The following KPNA6 variants were observed in gnomAD, a reference collection of about 807,000 sequenced individuals.
The protein encoded by KPNA6 is karyopherin subunit alpha 6.
A neutral mutation model predicts 72.0 loss-of-function variants in KPNA6; 9 were observed. That is an observed-to-expected ratio of 0.13 (90% CI 0.08 to 0.22). The LOEUF (loss-of-function observed/expected upper bound fraction) is 0.22. Ranked by LOEUF, KPNA6 falls within the 10% of genes least tolerant of loss-of-function variation. The probability of loss-of-function intolerance (pLI) is 1.00; values close to 1 mark genes in which losing one functional copy is unlikely to be tolerated. For synonymous variants in KPNA6, 219 were observed against 242.1 expected (o/e 0.90, Z 0.89); for missense variants, 374 against 655.7 (o/e 0.57, Z 4.69).
intron 1 of KPNA6, among the ~76,000 whole-genome samples, chr1:32,135,229 G>A (rs1424235836): frequency 6.6e-6 from 1 of 152,024 alleles, no homozygotes; most frequent in Non-Finnish European, 1.5e-5. Context: ...CACCAGGCCT[G>A]GCTAATTTTG....
intron 1 of KPNA6, among the ~76,000 whole-genome samples, chr1:32,124,160 C>G (rs1419758657): frequency 2.0e-5 from 3 of 151,620 alleles, no homozygotes; most frequent in African/African-American, 7.3e-5. Flanking sequence ...ATCGCTTGAG[C>G]CTAGGAGTTT....
Position 32,128,422 on chromosome 1 carries a change from T to G in KPNA6, c.4+20288T>G, listed in dbSNP as rs1257455751. 2.5e-5 allele frequency among the ~76,000 whole-genome samples: 3 copies of G among 118,460 alleles called. No homozygotes were observed. The Admixed American group carries it at 2.6e-4, about 10-fold the overall frequency. The allele number at this position is 118,460 out of a possible 152,430, so 77.7% of individuals were successfully genotyped here. A position where few individuals can be genotyped will look rare whatever the true frequency, so the allele number is the denominator to read the frequency against. ...ATATATATATATATATATATATATA[T>G]ATATACACACACACACACATATATA... On this transcript the variant is annotated intron_variant, in intron 1 of 13. Coordinates refer to ENST00000373625, the MANE Select transcript of KPNA6 (RefSeq NM_012316.5).
chr1:32,159,562 A>C, intron 6 of KPNA6, 31 bp downstream of exon 6: 1 of 1,605,814 alleles, frequency 6.2e-7, no homozygotes, highest in South Asian at 1.1e-5. Flanking sequence ...GATTCTTTAT[A>C]GTACCTGTGG....
rs1007463780 is a variant in KPNA6, at chr1:32,162,408, C to T, written c.795C>T (p.Asp265=). The T allele has an allele frequency of 7.4e-6, 12 of 1,613,722 alleles. No homozygotes were observed. Among genetic ancestry groups the T allele is most frequent in the Non-Finnish European group, 1.0e-5 (12 of 1,179,808 alleles). The change falls in exon 9 of 14, where the codon GAC becomes GAT. Residue 265 remains aspartate, a synonymous_variant. Coordinates refer to ENST00000373625, the MANE Select transcript of KPNA6 (RefSeq NM_012316.5). The part of the protein sequence containing the change: ...PVLSRLLFSS[D]SDLLADACWA... ...TGTCTCGCCTACTCTTCAGCAGCGA[C>T]TCGGACTTGCTGGCAGATGCTTGCT... is the stretch of plus-strand genomic sequence containing the variant.
intron 9 of KPNA6, 138 bp from the exon 10 acceptor site, chr1:32,163,097 C>CT (rs1642269569): frequency 3.2e-6 from 2 of 626,236 alleles, no homozygotes; most frequent in African/African-American, 1.9e-5. Context: ...GAGCGAGACT[C>CT]TGTCTCAAAA....
In KPNA6 at chr1:32,162,095, T is replaced by C. The variant is rs755832045; in HGVS notation, c.747+49T>C. On this transcript the variant is annotated intron_variant, in intron 8 of 13. Transcript: ENST00000373625. ...CTGAGTGACATCAGGTTCCTTCATA[T>C]GGAGTTTTTAAGTCTTTGGGATACT... 8.9e-6 allele frequency: 13 copies of C among 1,463,942 alleles called. 1 individual carries two copies. The highest frequency in any genetic ancestry group is 1.7e-4 in the Middle Eastern group (1 of 5,790). The allele number at this position is 1,463,942 out of a possible 1,614,324, so 90.7% of individuals were successfully genotyped here.
intron 1 of KPNA6, among the ~76,000 whole-genome samples, chr1:32,128,433 A>ACG: frequency 7.2e-6 from 1 of 138,988 alleles, no homozygotes; most frequent in South Asian, 2.2e-4. Context: ...ATATACACAC[A>ACG]CACACACATA....
At position 32,126,043 on chromosome 1, in the gene KPNA6, T is replaced by TTTTG. The variant is rs578144508; in HGVS notation, c.4+17931_4+17934dup. On this transcript the variant is annotated intron_variant, in intron 1 of 13. Coordinates refer to ENST00000373625, the MANE Select transcript of KPNA6 (RefSeq NM_012316.5). ...AGCTTGTTTTTCTTTTTTCTTTTTA[T>TTTTG]TTTGTTTGTTTGTTTGTTTGTTTGT... 1.8e-3 allele frequency among the ~76,000 whole-genome samples: 279 copies of TTTTG among 151,816 alleles called. 1 individual carries two copies. Among genetic ancestry groups the TTTTG allele is most frequent in the South Asian group, 5.0e-3 (24 of 4,802 alleles).
At position 32,176,139 on chromosome 1, in the gene KPNA6, G is replaced by C. The variant is rs1642524253; in HGVS notation, c.*5245G>C. On this transcript the variant is annotated 3_prime_UTR_variant, in exon 14 of 14. Transcript: ENST00000373625. The stretch of plus-strand genomic sequence containing the variant: ...TCTTCATGAACCCTCAGACTCTGGA[G>C]TTGGGTGTCGGCTTTTTTAGCCAGC... The C allele has an allele frequency of 6.6e-6, 1 of 151,922 alleles. No individual in the cohort carries two copies. Among genetic ancestry groups the C allele is most frequent in the South Asian group, 2.1e-4 (1 of 4,810 alleles). The allele number at this position is 151,922 out of a possible 1,614,324, so 9.4% of individuals were successfully genotyped here.
intron 11 of KPNA6, 132 bp from the exon 12 acceptor site, chr1:32,167,035 CTA>C: frequency 1.8e-6 from 2 of 1,118,800 alleles, no homozygotes; most frequent in Non-Finnish European, 2.6e-6. Flanking sequence ...AGCCTGTCAC[CTA>C]TATAGGAAGA....
At position 32,170,905 on chromosome 1, in the gene KPNA6, CAGGGA is replaced by C. The variant is rs1642423586; in HGVS notation, c.*12_*16del. ...GGCTTCCAGCTATAATATCTGCCTC[CAGGGA>C]GGGGAGGGGATGGGAAGCACCACCA... On this transcript the variant is annotated 3_prime_UTR_variant, in exon 14 of 14. Coordinates refer to ENST00000373625, the MANE Select transcript of KPNA6 (RefSeq NM_012316.5). 4.3e-6 allele frequency: 7 copies of C among 1,612,980 alleles called. No homozygotes were observed. In the South Asian group the frequency reaches 6.6e-5, roughly 15 times the overall value.
At chr1:32,146,314 G>A (rs1319071923) in intron 1 of KPNA6, among the ~76,000 whole-genome samples, 1 of 152,142 alleles carries the variant, frequency 6.6e-6, no homozygotes, top group Non-Finnish European at 1.5e-5. Context: ...TATTGCATAT[G>A]TTTTTTAATA....
intron 1 of KPNA6, among the ~76,000 whole-genome samples, chr1:32,112,972 C>T (rs909775822): frequency 1.3e-5 from 2 of 152,164 alleles, no homozygotes; most frequent in Non-Finnish European, 2.9e-5. Flanking sequence ...ATTGATTCTT[C>T]CTTTCACCAC....
intron 10 of KPNA6, among the ~76,000 whole-genome samples, chr1:32,164,391 C>G (rs1027831564): frequency 2.6e-5 from 4 of 152,108 alleles, no homozygotes; most frequent in Non-Finnish European, 5.9e-5. Flanking sequence ...CCGGTATATA[C>G]CCAGAGTGGA....
At position 32,167,160 on chromosome 1, in the gene KPNA6, C is replaced by G; in HGVS notation, c.1117-9C>G. On this transcript the variant is annotated splice_polypyrimidine_tract_variant and intron_variant, in intron 11 of 13. Transcript: ENST00000373625. ...TCCTTCCATCTGCCTCCTCTCAATT[C>G]TCTCTCAGGCTGTTATAGATGCAAA... The G allele has an allele frequency of 6.2e-7, 1 of 1,612,590 alleles. No homozygotes were observed.
chr1:32,110,518 A>G (rs960906186), intron 1 of KPNA6, among the ~76,000 whole-genome samples: 4 of 152,184 alleles, frequency 2.6e-5, no homozygotes, highest in African/African-American at 7.2e-5. Flanking sequence ...ACAGTCCACA[A>G]TAATGTTTTT....
chr1:32,121,437 T>C (rs1173656841), intron 1 of KPNA6, among the ~76,000 whole-genome samples: 1 of 152,186 alleles, frequency 6.6e-6, no homozygotes, highest in Admixed American at 6.5e-5. Flanking sequence ...TGTTCAAAAA[T>C]CAGTTGAATG....
intron 6 of KPNA6, among the ~76,000 whole-genome samples, chr1:32,159,786 T>C (rs1642204057): frequency 6.6e-6 from 1 of 152,164 alleles, no homozygotes; most frequent in Non-Finnish European, 1.5e-5. Context: ...GGACACATGG[T>C]TGGTATCAGA....
In KPNA6 at chr1:32,156,950, GGCCCCT is replaced by G; in HGVS notation, c.231+8_231+13del. The G allele has an allele frequency of 1.2e-6, 2 of 1,609,908 alleles. No individual in the cohort carries two copies. The highest frequency in any genetic ancestry group is 2.2e-5 in the South Asian group (2 of 90,852). ...TATGTGAGCTCTACCACTGGGGTAA[GGCCCCT>G]GCATGTGCCTCAGGCTGACCTGGAA... On this transcript the variant is annotated splice_donor_region_variant and intron_variant, in intron 3 of 13. Transcript: ENST00000373625.
Sources: allele counts gnomAD v4.1 joint callset (sites outside exome capture counted in the v4.1 genomes callset), GRCh38; gene constraint gnomAD v4.1.1; transcripts MANE v1.5; gene names NCBI Gene and HGNC (gene_info 2026-07-23, HGNC 2026-07-21).